The following ARHGAP24 variants were observed in gnomAD, a reference collection of about 807,000 sequenced individuals.
ARHGAP24 encodes the protein Rho GTPase activating protein 24.
Under a neutral mutation model 76.4 loss-of-function variants are expected in ARHGAP24, and 50 were observed. That is an observed-to-expected ratio of 0.65 (90% CI 0.52 to 0.83). ARHGAP24 has a LOEUF of 0.83. Ranked by LOEUF, ARHGAP24 falls within the 40% of genes least tolerant of loss-of-function variation. The probability of loss-of-function intolerance (pLI) is 0.00; values close to 1 mark genes in which losing one functional copy is unlikely to be tolerated. For synonymous variants in ARHGAP24, 345 were observed against 323.3 expected (o/e 1.07, Z -0.72); for missense variants, 930 against 914.2 (o/e 1.02, Z -0.22).
chr4:85,608,845 C>T (rs539723662), intron 2 of ARHGAP24, among the ~76,000 whole-genome samples: 1 of 152,156 alleles, frequency 6.6e-6, no homozygotes, highest in Admixed American at 6.5e-5. Flanking sequence ...CAGGCATAAG[C>T]CACCATGCCC....
chr4:85,976,673 A>G (rs1195038555), intron 7 of ARHGAP24, among the ~76,000 whole-genome samples: 1 of 151,870 alleles, frequency 6.6e-6, no homozygotes, highest in African/African-American at 2.4e-5. Context: ...CTCTCCTATT[A>G]TTTCATGCCT....
intron 1 of ARHGAP24, among the ~76,000 whole-genome samples, chr4:85,494,573 C>G (rs573503361): frequency 2.2e-3 from 334 of 150,998 alleles, no homozygotes; most frequent in African/African-American, 7.7e-3. Flanking sequence ...CTCAGCTACC[C>G]GGGAGGCTGA....
chr4:85,733,853 T>C (rs548301697), intron 3 of ARHGAP24, among the ~76,000 whole-genome samples: 11 of 152,308 alleles, frequency 7.2e-5, no homozygotes, highest in African/African-American at 2.6e-4. Context: ...TGTCTCCAAA[T>C]GGGGTCACAT....
intron 3 of ARHGAP24, chr4:85,827,772 G>A: frequency 2.2e-6 from 1 of 448,128 alleles, no homozygotes; most frequent in Non-Finnish European, 3.8e-6. Flanking sequence ...TAGCTGGGGA[G>A]CCCACTAGTG....
At chr4:85,884,570 C>G (rs960089292) in intron 3 of ARHGAP24, among the ~76,000 whole-genome samples, 3 of 152,136 alleles carry the variant, frequency 2.0e-5, no homozygotes, top group African/African-American at 4.8e-5. Context: ...AGACAACAAG[C>G]CTCCATTCTG....
At chr4:85,689,467 A>G (rs368994057) in intron 2 of ARHGAP24, among the ~76,000 whole-genome samples, 3 of 147,814 alleles carry the variant, frequency 2.0e-5, no homozygotes, top group African/African-American at 7.3e-5. Flanking sequence ...GCTCACTACA[A>G]TCTCCACCTC....
intron 1 of ARHGAP24, among the ~76,000 whole-genome samples, chr4:85,546,678 C>T (rs1440984296): frequency 6.6e-6 from 1 of 152,178 alleles, no homozygotes; most frequent in Non-Finnish European, 1.5e-5. Context: ...AGTAACCTTT[C>T]AATTATAATA....
intron 3 of ARHGAP24, among the ~76,000 whole-genome samples, chr4:85,858,831 G>T (rs1439812093): frequency 6.6e-6 from 1 of 151,866 alleles, no homozygotes; most frequent in Admixed American, 6.6e-5. Flanking sequence ...TACCTGGAGA[G>T]ATTGAAAAGG....
At chr4:85,917,490 T>G (rs1404294733) in intron 3 of ARHGAP24, among the ~76,000 whole-genome samples, 5 of 152,188 alleles carry the variant, frequency 3.3e-5, no homozygotes, top group Non-Finnish European at 5.9e-5. Context: ...ATCGCCACAC[T>G]GACTTCCACA....
At chr4:85,535,184 A>G (rs971615094) in intron 1 of ARHGAP24, among the ~76,000 whole-genome samples, 1 of 152,206 alleles carries the variant, frequency 6.6e-6, no homozygotes, top group African/African-American at 2.4e-5. Flanking sequence ...TATAGTTTTA[A>G]TAGATAGTAA....
At chr4:85,793,962 A>G (rs750060151) in intron 3 of ARHGAP24, among the ~76,000 whole-genome samples, 1 of 152,240 alleles carries the variant, frequency 6.6e-6, no homozygotes, top group Non-Finnish European at 1.5e-5. Flanking sequence ...TTTATTTAAG[A>G]GTATGAAGCA....
chr4:85,794,969 C>T (rs1383184404), intron 3 of ARHGAP24, among the ~76,000 whole-genome samples: 3 of 152,154 alleles, frequency 2.0e-5, no homozygotes, highest in African/African-American at 7.2e-5. Flanking sequence ...GGGTTATCCC[C>T]CTTAAACAAC....
At chr4:85,856,361 G>T (rs1322582510) in intron 3 of ARHGAP24, among the ~76,000 whole-genome samples, 1 of 151,302 alleles carries the variant, frequency 6.6e-6, no homozygotes, top group Non-Finnish European at 1.5e-5. Flanking sequence ...AAGAACATTT[G>T]ATATTTTAAT....
intron 1 of ARHGAP24, among the ~76,000 whole-genome samples, chr4:85,495,027 G>A (rs1281907686): frequency 6.7e-6 from 1 of 150,246 alleles, no homozygotes; most frequent in Admixed American, 6.6e-5. Flanking sequence ...CCCGGGAGGC[G>A]GAGCTTGCAG....
intron 3 of ARHGAP24, among the ~76,000 whole-genome samples, chr4:85,827,111 C>A (rs1214849038): frequency 6.6e-6 from 1 of 151,998 alleles, no homozygotes; most frequent in Non-Finnish European, 1.5e-5. Flanking sequence ...TTCTTGAAGA[C>A]CCCCAAAATT....
At chr4:85,603,196 G>A (rs1720087779) in intron 2 of ARHGAP24, among the ~76,000 whole-genome samples, 1 of 152,130 alleles carries the variant, frequency 6.6e-6, no homozygotes. Flanking sequence ...TATTAATTTG[G>A]GGGATAAGAA....
At chr4:85,949,273 C>T (rs1737465310) in intron 5 of ARHGAP24, among the ~76,000 whole-genome samples, 1 of 152,134 alleles carries the variant, frequency 6.6e-6, no homozygotes, top group African/African-American at 2.4e-5. Context: ...GTTGCAGCAA[C>T]ACCCAATTTC....
At chr4:85,878,822 A>G (rs775215687) in intron 3 of ARHGAP24, among the ~76,000 whole-genome samples, 12 of 152,318 alleles carry the variant, frequency 7.9e-5, no homozygotes, top group Admixed American at 2.6e-4. Context: ...TCCCTGCAAT[A>G]TAACATTTAT....
At chr4:85,638,650 C>T (rs557647220) in intron 2 of ARHGAP24, among the ~76,000 whole-genome samples, 23 of 152,008 alleles carry the variant, frequency 1.5e-4, no homozygotes, top group Non-Finnish European at 2.9e-4. Context: ...ATATGTTGGG[C>T]ACCTTATCAG....
Sources: allele counts gnomAD v4.1 joint callset (sites outside exome capture counted in the v4.1 genomes callset), GRCh38; gene constraint gnomAD v4.1.1; transcripts MANE v1.5; gene names NCBI Gene and HGNC (gene_info 2026-07-23, HGNC 2026-07-21).